PTBP2: variants seen among roughly 807,000 people sequenced by gnomAD.
PTBP2 encodes the protein polypyrimidine tract binding protein 2, also known as polypyrimidine tract-binding protein 2.
In PTBP2, 13 loss-of-function variants were observed where a neutral mutation model predicts 61.4. That is an observed-to-expected ratio of 0.21 (90% CI 0.14 to 0.34). The LOEUF (loss-of-function observed/expected upper bound fraction) is 0.34, where lower values mean the gene tolerates loss of function less well. Ranked by LOEUF, PTBP2 falls within the 10% of genes least tolerant of loss-of-function variation. PTBP2 has a pLI of 1.00. For synonymous variants in PTBP2, 215 were observed against 218.5 expected, an observed-to-expected ratio of 0.98 and a Z score of 0.14; for missense variants, 405 against 642.6, an observed-to-expected ratio of 0.63 and a Z score of 4.00.
intron 2 of PTBP2, among the ~76,000 whole-genome samples, chr1:96,740,153 T>C (rs145833206): frequency 1.3e-5 from 2 of 152,262 alleles, no homozygotes; most frequent in Non-Finnish European, 2.9e-5. Context: ...CAAAAGTTCA[T>C]TTGAAGCCCC....
chr1:96,732,373 A>G (rs1019150530), intron 2 of PTBP2, among the ~76,000 whole-genome samples: 1 of 152,186 alleles, frequency 6.6e-6, no homozygotes, highest in African/African-American at 2.4e-5. Flanking sequence ...TAGAATTTCA[A>G]TTAACAGATA....
chr1:96,746,921 T>C lies in PTBP2; in HGVS notation c.40-4504T>C, dbSNP rs150771291. ...TCCCTCCCTCCCTCCCTCCCTTCCT[T>C]CCTTCCTTCCTTCCTTCCTTCCTAC... is the stretch of plus-strand genomic sequence containing the variant. On this transcript the variant is annotated intron_variant, in intron 2 of 13. Transcript: ENST00000674951. Among the ~76,000 whole-genome samples the C allele has an allele frequency of 2.9e-4, 11 of 38,534 alleles. 1 individual carries two copies. The highest frequency in any genetic ancestry group is 4.0e-3 in the East Asian group (2 of 504). The allele number at this position is 38,534 out of a possible 152,430, so 25.3% of individuals were successfully genotyped here. A position where few individuals can be genotyped will look rare whatever the true frequency, so the allele number is the denominator to read the frequency against.
chr1:96,733,043 G>A (rs931045828), intron 2 of PTBP2, among the ~76,000 whole-genome samples: 38 of 141,268 alleles, frequency 2.7e-4, no homozygotes, highest in African/African-American at 9.6e-4. Context: ...TTTTGCTATA[G>A]CAAATTTATT....
intron 10 of PTBP2, 163 bp from the exon 11 acceptor site, chr1:96,806,703 G>A (rs1464526414): frequency 1.5e-6 from 1 of 674,504 alleles, no homozygotes. Context: ...AAAATTCACT[G>A]TTCAAAATCT....
In PTBP2 at chr1:96,774,223, G is replaced by T. The variant is rs2101029290; in HGVS notation, c.433-3362G>T. Reference sequence around the variant, plus strand: ...CAAGTTGGTCACAGGAGGGAGAAGAGAAATTTAGCTCTTTTGTTAATGAAC... The same window carrying T: ...CAAGTTGGTCACAGGAGGGAGAAGATAAATTTAGCTCTTTTGTTAATGAAC... On this transcript the variant is annotated intron_variant, in intron 5 of 13. Coordinates refer to ENST00000674951, the MANE Select transcript of PTBP2 (RefSeq NM_021190.4). Among the ~76,000 whole-genome samples, 2 of 152,142 alleles carry T rather than the reference G, an allele frequency of 1.3e-5. 1 individual carries two copies. The highest frequency in any genetic ancestry group is 4.1e-4 in the South Asian group (2 of 4,822).
intron 8 of PTBP2, among the ~76,000 whole-genome samples, chr1:96,788,031 G>A (rs1472991806): frequency 6.6e-6 from 1 of 152,094 alleles, no homozygotes; most frequent in Non-Finnish European, 1.5e-5. Context: ...ATATGAGGCT[G>A]GGTGTCCTAC....
At chr1:96,778,824 T>C (rs1658330556) in intron 7 of PTBP2, among the ~76,000 whole-genome samples, 1 of 152,140 alleles carries the variant, frequency 6.6e-6, no homozygotes. Context: ...GACCATTTTT[T>C]ACAATTGTTT....
chr1:96,814,510 A>G lies in PTBP2; in HGVS notation c.*1105A>G, dbSNP rs1488033854. 3 of 152,504 alleles carry G rather than the reference A, an allele frequency of 2.0e-5. No individual in the cohort carries two copies. Among genetic ancestry groups the G allele is most frequent in the African/African-American group, 7.2e-5 (3 of 41,452 alleles). The allele number at this position is 152,504 out of a possible 1,614,324, so 9.4% of individuals were successfully genotyped here. Reference sequence around the variant, plus strand: ...TATTCAGTTTTAATAAATCTTCAAAATATTTTGTATTTAGGAATAGATCTG... The same window carrying G: ...TATTCAGTTTTAATAAATCTTCAAAGTATTTTGTATTTAGGAATAGATCTG... On this transcript the variant is annotated 3_prime_UTR_variant, in exon 14 of 14. Coordinates refer to ENST00000674951, the MANE Select transcript of PTBP2 (RefSeq NM_021190.4).
chr1:96,791,623 G>A (rs1193316212), intron 8 of PTBP2, among the ~76,000 whole-genome samples: 1 of 152,032 alleles, frequency 6.6e-6, no homozygotes, highest in Non-Finnish European at 1.5e-5. Context: ...TGGTTTCTAA[G>A]AACTAATCTT....
At chr1:96,745,490 C>A (rs1371370730) in intron 2 of PTBP2, among the ~76,000 whole-genome samples, 1 of 152,092 alleles carries the variant, frequency 6.6e-6, no homozygotes, top group Non-Finnish European at 1.5e-5. Context: ...CCCCTTCTTA[C>A]CCTGCCATGG....
At chr1:96,755,215 C>G (rs273876) in intron 3 of PTBP2, among the ~76,000 whole-genome samples, 1 of 152,014 alleles carries the variant, frequency 6.6e-6, no homozygotes, top group East Asian at 1.9e-4. Flanking sequence ...ACAAAAGATA[C>G]ACAGATGGTA....
intron 3 of PTBP2, among the ~76,000 whole-genome samples, chr1:96,761,406 G>T (rs1041272358): frequency 3.4e-5 from 5 of 149,244 alleles, no homozygotes; most frequent in Non-Finnish European, 7.4e-5. Flanking sequence ...GACTTTAACA[G>T]ATTTACATTT....
chr1:96,796,199 T>C (rs1660365097), intron 8 of PTBP2, among the ~76,000 whole-genome samples: 1 of 151,022 alleles, frequency 6.6e-6, no homozygotes, highest in East Asian at 2.0e-4. Flanking sequence ...ACACCTGCAA[T>C]CCCAGCACTT....
intron 2 of PTBP2, among the ~76,000 whole-genome samples, chr1:96,734,957 G>C (rs1651968165): frequency 8.3e-6 from 1 of 120,770 alleles, no homozygotes; most frequent in South Asian, 2.5e-4. Flanking sequence ...TTGCCCTGTT[G>C]CCCAGGCTGG....
chr1:96,772,894 C>T (rs141165567), intron 5 of PTBP2, among the ~76,000 whole-genome samples: 2,775 of 150,926 alleles, frequency 0.018, 88 homozygotes, highest in African/African-American at 0.064. Flanking sequence ...GGGTGGATTA[C>T]CTGAGGTCAG....
At chr1:96,743,394 G>C (rs921332137) in intron 2 of PTBP2, among the ~76,000 whole-genome samples, 3 of 152,068 alleles carry the variant, frequency 2.0e-5, no homozygotes, top group Non-Finnish European at 4.4e-5. Context: ...ATCAGACTCT[G>C]GTGTAATTTT....
intron 11 of PTBP2, among the ~76,000 whole-genome samples, chr1:96,808,779 A>G (rs949422355): frequency 6.6e-6 from 1 of 151,824 alleles, no homozygotes; most frequent in Non-Finnish European, 1.5e-5. Flanking sequence ...ATGTACTGAC[A>G]CCATCATTTC....
At chr1:96,764,716 T>C (rs1656455840) in intron 3 of PTBP2, among the ~76,000 whole-genome samples, 1 of 152,258 alleles carries the variant, frequency 6.6e-6, no homozygotes, top group Non-Finnish European at 1.5e-5. Context: ...TATTTCATAG[T>C]TTTACTATTT....
intron 3 of PTBP2, 24 bp from the exon 4 acceptor site, chr1:96,769,679 G>A: frequency 6.7e-7 from 1 of 1,490,218 alleles, no homozygotes; most frequent in Non-Finnish European, 9.0e-7. Context: ...TGATATATAA[G>A]GACTGTTTTT....
Sources: gnomAD v4.1 joint callset for allele counts (sites outside exome capture counted in the v4.1 genomes callset) on GRCh38, gnomAD v4.1.1 for gene constraint, MANE v1.5 for transcripts, NCBI Gene and HGNC (gene_info 2026-07-23, HGNC 2026-07-21) for gene names.